Variants in FOXP2 observed in about 807,000 individuals in gnomAD.
FOXP2 encodes forkhead box P2.
FOXP2 carries 12 observed loss-of-function variants against 115.8 expected under a neutral mutation model. The ratio of observed to expected loss-of-function variants is 0.10; its 90% CI spans 0.07 to 0.17. FOXP2 has a LOEUF of 0.17. Among genes scored for constraint, FOXP2 ranks in the 10% least tolerant of loss-of-function variants. FOXP2 has a pLI of 1.00. For missense variants in FOXP2, 629 were observed against 843.5 expected, an observed-to-expected ratio of 0.75 and a Z score of 3.15; for synonymous variants, 328 against 297.7, an observed-to-expected ratio of 1.10 and a Z score of -1.05.
chr7:114,595,617 G>A (rs889295205), intron 3 of FOXP2, among the ~76,000 whole-genome samples: 1 of 151,916 alleles, frequency 6.6e-6, no homozygotes, highest in Non-Finnish European at 1.5e-5. Flanking sequence ...GGATTTTATC[G>A]TTTTATTCAC....
chr7:114,096,815 T>C (rs1172385915), intron 1 of FOXP2, among the ~76,000 whole-genome samples: 1 of 152,196 alleles, frequency 6.6e-6, no homozygotes, highest in Non-Finnish European at 1.5e-5. Context: ...ATGTAAGTAA[T>C]ACAAAATTTT....
intron 2 of FOXP2, among the ~76,000 whole-genome samples, chr7:114,500,523 A>G (rs1326297584): frequency 6.6e-6 from 1 of 152,130 alleles, no homozygotes; most frequent in African/African-American, 2.4e-5. Context: ...TTTATATGTT[A>G]TCTACATTTA....
At chr7:114,328,287 A>G (rs1487987427) in intron 2 of FOXP2, among the ~76,000 whole-genome samples, 1 of 136,266 alleles carries the variant, frequency 7.3e-6, no homozygotes. Flanking sequence ...CCCAGGCTGG[A>G]GTCCAGTGGC....
intron 2 of FOXP2, among the ~76,000 whole-genome samples, chr7:114,431,060 G>A (rs1794087089): frequency 6.6e-6 from 1 of 151,818 alleles, no homozygotes; most frequent in African/African-American, 2.4e-5. Context: ...TATCTACAGT[G>A]CATTCTTAAG....
intron 2 of FOXP2, among the ~76,000 whole-genome samples, chr7:114,485,825 G>C (rs1406158570): frequency 6.6e-6 from 1 of 152,106 alleles, no homozygotes; most frequent in African/African-American, 2.4e-5. Flanking sequence ...AATAAGTAAT[G>C]ATGTGTATAA....
At chr7:114,319,774 G>GA (rs1797372019) in intron 2 of FOXP2, among the ~76,000 whole-genome samples, 1 of 152,116 alleles carries the variant, frequency 6.6e-6, no homozygotes, top group Admixed American at 6.6e-5. Flanking sequence ...CATTTTACTA[G>GA]AAAAATCAAT....
At chr7:114,647,050 T>TA (rs1805951083) in intron 8 of FOXP2, among the ~76,000 whole-genome samples, 2 of 151,944 alleles carry the variant, frequency 1.3e-5, no homozygotes, top group South Asian at 4.1e-4. Context: ...GTGTTTATTA[T>TA]AAAAGTTTTT....
At chr7:114,223,500 TTATATATAATATATATATAATATGTA>T (rs1794673761) in intron 1 of FOXP2, among the ~76,000 whole-genome samples, 1 of 147,410 alleles carries the variant, frequency 6.8e-6, no homozygotes. Flanking sequence ...TATATATATA[TTATATATAATATATATATAATATGTA>T]TATATATATG....
intron 16 of FOXP2, 56 bp from the exon 17 acceptor site, chr7:114,689,726 C>T: frequency 1.2e-6 from 2 of 1,604,168 alleles, no homozygotes; most frequent in Non-Finnish European, 1.7e-6. Flanking sequence ...CAAAGTTGGC[C>T]AAACTCTGTT....
At chr7:114,487,286 C>T (rs975318156) in intron 2 of FOXP2, among the ~76,000 whole-genome samples, 9 of 152,156 alleles carry the variant, frequency 5.9e-5, no homozygotes, top group Admixed American at 6.5e-5. Flanking sequence ...TGAGCTGTAC[C>T]TTGACCCTTT....
chr7:114,457,894 C>CAAA (rs397740229), intron 2 of FOXP2, among the ~76,000 whole-genome samples: 1 of 115,630 alleles, frequency 8.6e-6, no homozygotes, highest in Non-Finnish European at 1.8e-5. Flanking sequence ...GACTCCGTCT[C>CAAA]AAAAAAAAAA....
At chr7:114,118,088 A>G (rs1343865250) in intron 1 of FOXP2, among the ~76,000 whole-genome samples, 36 of 152,148 alleles carry the variant, frequency 2.4e-4, no homozygotes, top group Non-Finnish European at 4.4e-5. Context: ...TGTTACACCC[A>G]GTAGAGTCTT....
At chr7:114,358,932 G>A (rs115849038) in intron 2 of FOXP2, among the ~76,000 whole-genome samples, 1,794 of 152,268 alleles carry the variant, frequency 0.012, 22 homozygotes, top group African/African-American at 0.031. Flanking sequence ...CCCATTTTCT[G>A]AGGAGGAATT....
intron 1 of FOXP2, among the ~76,000 whole-genome samples, chr7:114,250,350 A>G (rs1795408291): frequency 6.6e-6 from 1 of 152,196 alleles, no homozygotes; most frequent in South Asian, 2.1e-4. Context: ...TTCTAGTTCT[A>G]GATCCTTGAG....
chr7:114,410,774 C>T (rs575645760), upstream of FOXP2, among the ~76,000 whole-genome samples: 40 of 151,982 alleles, frequency 2.6e-4, no homozygotes, highest in Middle Eastern at 3.4e-3. Flanking sequence ...AGGTAGTTTC[C>T]GAACTTGCAT....
chr7:114,377,728 C>CGTA (rs778273308), intron 2 of FOXP2, among the ~76,000 whole-genome samples: 6 of 152,204 alleles, frequency 3.9e-5, no homozygotes, highest in Non-Finnish European at 7.4e-5. Flanking sequence ...TTTTCTTGTA[C>CGTA]CCTTTTGAAA....
chr7:114,420,362 G>A (rs891203540), intron 1 of FOXP2, among the ~76,000 whole-genome samples: 1 of 151,890 alleles, frequency 6.6e-6, no homozygotes, highest in Non-Finnish European at 1.5e-5. Flanking sequence ...CTGCTAGGCA[G>A]GTCTTTCTAT....
intron 2 of FOXP2, among the ~76,000 whole-genome samples, chr7:114,288,335 G>C (rs1003202182): frequency 6.6e-6 from 1 of 151,710 alleles, no homozygotes; most frequent in Non-Finnish European, 1.5e-5. Context: ...ATTAAACTTG[G>C]TATCACTTTT....
chr7:114,277,818 C>T (rs1260384979), intron 1 of FOXP2, among the ~76,000 whole-genome samples: 1 of 151,312 alleles, frequency 6.6e-6, no homozygotes, highest in Non-Finnish European at 1.5e-5. Flanking sequence ...AGTTGGAGAC[C>T]AGCCTAGTCA....
Sources: gnomAD v4.1 joint callset for allele counts (sites outside exome capture counted in the v4.1 genomes callset) on GRCh38, gnomAD v4.1.1 for gene constraint, MANE v1.5 for transcripts, NCBI Gene and HGNC (gene_info 2026-07-23, HGNC 2026-07-21) for gene names.